The following KSR2 variants were observed in gnomAD, a reference collection of about 807,000 sequenced individuals.
KSR2 encodes kinase suppressor of ras 2.
In KSR2, 25 loss-of-function variants were observed where a neutral mutation model predicts 107.8. That is an observed-to-expected ratio of 0.23 (90% confidence interval 0.17 to 0.32). KSR2 has a LOEUF of 0.32. KSR2 is among the 10% of genes least tolerant of loss of function. KSR2 has a pLI of 1.00. For missense variants in KSR2, 887 were observed against 1,268.9 expected (o/e 0.70, Z 4.57); for synonymous variants, 480 against 507.0 (o/e 0.95, Z 0.71).
intron 3 of KSR2, among the ~76,000 whole-genome samples, chr12:117,800,930 T>G (rs1890811768): frequency 6.6e-6 from 1 of 152,194 alleles, no homozygotes; most frequent in African/African-American, 2.4e-5. Flanking sequence ...GGACATGAAC[T>G]CATTTTTTAT....
intron 4 of KSR2, among the ~76,000 whole-genome samples, chr12:117,734,897 C>T (rs182312066): frequency 5.3e-5 from 8 of 152,198 alleles, no homozygotes; most frequent in Non-Finnish European, 1.2e-4. Context: ...CACAGAGGAG[C>T]TTCATTTAAG....
chr12:117,569,974 C>T (rs1162446914), intron 7 of KSR2, among the ~76,000 whole-genome samples: 2 of 152,034 alleles, frequency 1.3e-5, no homozygotes, highest in Non-Finnish European at 2.9e-5. Flanking sequence ...CAGTTTGGAC[C>T]CCCAGGGAAC....
chr12:117,603,259 C>T (rs965358148), intron 5 of KSR2, among the ~76,000 whole-genome samples: 7 of 152,166 alleles, frequency 4.6e-5, no homozygotes, highest in African/African-American at 1.4e-4. Context: ...CAACAAAAAT[C>T]CCTAACTTCC....
intron 3 of KSR2, among the ~76,000 whole-genome samples, chr12:117,809,414 C>A (rs1337352598): frequency 6.6e-6 from 1 of 152,222 alleles, no homozygotes; most frequent in African/African-American, 2.4e-5. Context: ...CCCCCTTCCC[C>A]ATTTGTGACA....
intron 5 of KSR2, among the ~76,000 whole-genome samples, chr12:117,637,983 C>T (rs904548465): frequency 6.6e-6 from 1 of 152,100 alleles, no homozygotes; most frequent in Non-Finnish European, 1.5e-5. Context: ...GGAATGCTTA[C>T]ATTAATGGTG....
intron 5 of KSR2, among the ~76,000 whole-genome samples, chr12:117,612,090 G>A (rs1881634628): frequency 6.6e-6 from 1 of 152,120 alleles, no homozygotes; most frequent in African/African-American, 2.4e-5. Flanking sequence ...CCATAGACCT[G>A]TACTCTAAAA....
chr12:117,834,107 C>T (rs1892096443), intron 3 of KSR2, among the ~76,000 whole-genome samples: 1 of 151,340 alleles, frequency 6.6e-6, no homozygotes, highest in Non-Finnish European at 1.5e-5. Flanking sequence ...GGCTACTGCA[C>T]TCAAGCCTGG....
intron 1 of KSR2, among the ~76,000 whole-genome samples, chr12:117,915,753 C>T (rs1206945385): frequency 6.6e-6 from 1 of 152,120 alleles, no homozygotes; most frequent in Non-Finnish European, 1.5e-5. Flanking sequence ...CACCTTGAAG[C>T]CTTCTCCAAG....
chr12:117,675,177 C>G (rs1281336963), intron 4 of KSR2, among the ~76,000 whole-genome samples: 1 of 152,170 alleles, frequency 6.6e-6, no homozygotes, highest in Non-Finnish European at 1.5e-5. Flanking sequence ...ATGTGGTTAC[C>G]AGAGGAATGT....
At chr12:117,467,299 G>T in intron 19 of KSR2, 94 bp from the exon 20 acceptor site, 2 of 589,598 alleles carry the variant, frequency 3.4e-6, no homozygotes, top group Non-Finnish European at 6.1e-6. Flanking sequence ...TGGGCCAGGT[G>T]GCTTGAGATG....
intron 4 of KSR2, among the ~76,000 whole-genome samples, chr12:117,680,585 C>T (rs1476108460): frequency 1.3e-5 from 2 of 152,142 alleles, no homozygotes; most frequent in Non-Finnish European, 2.9e-5. Context: ...GGTTTTCACA[C>T]CCCTCCCAAC....
chr12:117,505,704 A>G (rs1377846886), intron 14 of KSR2, among the ~76,000 whole-genome samples: 1 of 152,188 alleles, frequency 6.6e-6, no homozygotes, highest in Non-Finnish European at 1.5e-5. Context: ...CTCACTGCAT[A>G]TCCCCCAGTT....
At chr12:117,573,524 C>CTTTTT (rs35130903) in intron 7 of KSR2, among the ~76,000 whole-genome samples, 4 of 108,334 alleles carry the variant, frequency 3.7e-5, no homozygotes, top group African/African-American at 1.1e-4. Context: ...CACATGTTAT[C>CTTTTT]TTTTTTTTTT....
Position 117,801,837 on chromosome 12 carries a change from G to GTGGGC in KSR2, c.473-40314_473-40313insGCCCA, listed in dbSNP as rs531224683. Among the ~76,000 whole-genome samples the GTGGGC allele has an allele frequency of 2.8e-4, 25 of 90,762 alleles. No homozygotes were observed. The South Asian group carries it at 8.2e-3, about 30-fold the overall frequency. The allele number at this position is 90,762 out of a possible 152,430, so 59.5% of individuals were successfully genotyped here. ...GAGGTCCAGGGAAGCAGGAAGTACC[G>GTGGGC]TGGGGGGAAGAAGAACAGCAGGTGG... On this transcript the variant is annotated intron_variant, in intron 3 of 19. Coordinates refer to ENST00000339824, the MANE Select transcript of KSR2 (RefSeq NM_173598.6).
At chr12:117,840,893 T>G (rs192159306) in intron 3 of KSR2, among the ~76,000 whole-genome samples, 1 of 152,082 alleles carries the variant, frequency 6.6e-6, no homozygotes, top group South Asian at 2.1e-4. Flanking sequence ...TCCCAGCTAC[T>G]TGGGAGGCTG....
intron 5 of KSR2, among the ~76,000 whole-genome samples, chr12:117,611,816 A>T (rs1881617921): frequency 6.6e-6 from 1 of 152,248 alleles, no homozygotes; most frequent in African/African-American, 2.4e-5. Flanking sequence ...ACATGCTACA[A>T]CATGGATGAG....
chr12:117,564,706 C>G (rs1024906771), intron 7 of KSR2, among the ~76,000 whole-genome samples: 4 of 152,106 alleles, frequency 2.6e-5, no homozygotes, highest in African/African-American at 9.7e-5. Context: ...TGTGCTACCT[C>G]CCTTTCCTTT....
intron 14 of KSR2, among the ~76,000 whole-genome samples, chr12:117,515,308 A>G (rs79160081): frequency 0.019 from 2,902 of 152,288 alleles, 40 homozygotes; most frequent in Non-Finnish European, 0.033. Flanking sequence ...AGTGCGTACT[A>G]TATTTTCTTT....
intron 1 of KSR2, among the ~76,000 whole-genome samples, chr12:117,886,997 C>T (rs769456378): frequency 6.6e-5 from 10 of 152,102 alleles, no homozygotes; most frequent in Non-Finnish European, 1.2e-4. Context: ...GATTATGGCT[C>T]GCTGCAGCCT....
Sources: gnomAD v4.1 joint callset for allele counts (sites outside exome capture counted in the v4.1 genomes callset) on GRCh38, gnomAD v4.1.1 for gene constraint, MANE v1.5 for transcripts, NCBI Gene and HGNC (gene_info 2026-07-23, HGNC 2026-07-21) for gene names.